Variants in CREBBP observed in about 807,000 individuals in gnomAD.
The protein encoded by CREBBP is CREB-binding protein.
Under a neutral mutation model 265.0 loss-of-function variants are expected in CREBBP, and 19 were observed. The ratio of observed to expected loss-of-function variants is 0.07; its 90% confidence interval spans 0.05 to 0.11. The LOEUF is 0.11. Ranked by LOEUF, CREBBP falls within the 10% of genes least tolerant of loss-of-function variation. CREBBP has a pLI of 1.00. For synonymous variants in CREBBP, 1,457 were observed against 1,223.7 expected, an observed-to-expected ratio of 1.19 and a Z score of -3.98; for missense variants, 2,525 against 3,219.0, an observed-to-expected ratio of 0.78 and a Z score of 5.22.
intron 3 of CREBBP, among the ~76,000 whole-genome samples, chr16:3,797,153 A>T (rs886631302): frequency 6.6e-6 from 1 of 152,184 alleles, no homozygotes; most frequent in African/African-American, 2.4e-5. Flanking sequence ...GAGGGAGAGT[A>T]CTTCGGAACC....
At position 3,853,192 on chromosome 16, in the gene CREBBP, A is replaced by C. The variant is rs2054889379; in HGVS notation, c.86-2183T>G. On this transcript the variant is annotated intron_variant, in intron 1 of 30. Coordinates refer to ENST00000262367, the MANE Select transcript of CREBBP (RefSeq NM_004380.3). ...CCTCATAACGCTGTTGTGAGGACCA[A>C]ATGAATAAGTAAGTGTAAAACACGA... Among the ~76,000 whole-genome samples, 4 of 152,156 alleles carry C rather than the reference A, an allele frequency of 2.6e-5. No individual in the cohort carries two copies. The South Asian group carries it at 8.3e-4, about 32-fold the overall frequency.
chr16:3,861,562 C>T (rs1342836177), intron 1 of CREBBP, among the ~76,000 whole-genome samples: 1 of 148,296 alleles, frequency 6.7e-6, no homozygotes, highest in East Asian at 2.0e-4. Context: ...CCCTGCTGAT[C>T]TGTGGCAATT....
chr16:3,848,271 G>A (rs1465597985), intron 2 of CREBBP, among the ~76,000 whole-genome samples: 1 of 152,142 alleles, frequency 6.6e-6, no homozygotes, highest in Non-Finnish European at 1.5e-5. Flanking sequence ...GTTAACATGT[G>A]ATAATGGCTT....
At chr16:3,740,573 TGA>T in intron 23 of CREBBP, 24 bp from the exon 24 acceptor site, 1 of 1,614,042 alleles carries the variant, frequency 6.2e-7, no homozygotes, top group South Asian at 1.1e-5. Flanking sequence ...AAGGAGCAGG[TGA>T]GAGGGCTTCA....
intron 2 of CREBBP, among the ~76,000 whole-genome samples, chr16:3,832,958 C>A (rs546429626): frequency 6.6e-6 from 1 of 151,968 alleles, no homozygotes; most frequent in Admixed American, 6.6e-5. Context: ...ATTCAGTAAT[C>A]GCTTATGATC....
chr16:3,836,989 T>G (rs1025880163), intron 2 of CREBBP, among the ~76,000 whole-genome samples: 1 of 152,244 alleles, frequency 6.6e-6, no homozygotes, highest in African/African-American at 2.4e-5. Context: ...TAGTACATAA[T>G]AGCCGATAAT....
At chr16:3,793,255 T>C in intron 4 of CREBBP, 131 bp downstream of exon 4, 1 of 1,247,496 alleles carries the variant, frequency 8.0e-7, no homozygotes, top group Non-Finnish European at 1.2e-6. Flanking sequence ...GAGCGCAACA[T>C]GTCTTGCCAC....
At chr16:3,849,442 T>TGTGTGTGTGTGTGTGTGTGTGTGTGTG (rs2054764750) in intron 2 of CREBBP, among the ~76,000 whole-genome samples, 1 of 18,670 alleles carries the variant, frequency 5.4e-5, no homozygotes, top group African/African-American at 8.8e-5. Flanking sequence ...TGTGTGTGTG[T>TGTGTGTGTGTGTGTGTGTGTGTGTGTG]GTGTGTGTGT....
chr16:3,790,366 C>CTTTTTT (rs57582399), intron 5 of CREBBP, among the ~76,000 whole-genome samples: 19 of 66,586 alleles, frequency 2.9e-4, no homozygotes, highest in South Asian at 6.1e-4. Context: ...AGGAAACTGG[C>CTTTTTT]TTTTTTTTTT....
chr16:3,861,700 A>C (rs1476888017), intron 1 of CREBBP, among the ~76,000 whole-genome samples: 1 of 149,856 alleles, frequency 6.7e-6, no homozygotes, highest in Non-Finnish European at 1.5e-5. Context: ...ATTAATATTT[A>C]TGCCATCGTA....
At chr16:3,734,807 C>T (rs944247786) in intron 28 of CREBBP, among the ~76,000 whole-genome samples, 3 of 152,156 alleles carry the variant, frequency 2.0e-5, no homozygotes, top group African/African-American at 7.2e-5. Context: ...GCGGCCCAGG[C>T]CCCACGCTCC....
At chr16:3,859,102 T>C (rs1468949495) in intron 1 of CREBBP, among the ~76,000 whole-genome samples, 3 of 152,218 alleles carry the variant, frequency 2.0e-5, no homozygotes, top group South Asian at 2.1e-4. Context: ...TGCATTACTT[T>C]TGTAATACTG....
At chr16:3,780,585 G>A (rs190724573) in intron 8 of CREBBP, 147 bp downstream of exon 8, 2 of 807,044 alleles carry the variant, frequency 2.5e-6, no homozygotes, top group Admixed American at 2.2e-5. Flanking sequence ...GGCCTGCCTA[G>A]GGCTGCCAGA....
In CREBBP at chr16:3,731,091, C is replaced by G. The variant is rs962463583; in HGVS notation, c.5172+101G>C. 1.6e-6 allele frequency: 2 copies of G among 1,244,088 alleles called. No homozygotes were observed. Among genetic ancestry groups the G allele is most frequent in the African/African-American group, 2.9e-5 (2 of 68,092 alleles). The allele number at this position is 1,244,088 out of a possible 1,614,324, so 77.1% of individuals were successfully genotyped here. On this transcript the variant is annotated intron_variant, in intron 30 of 30. Transcript: ENST00000262367. This position sits in a 1 kb window ranked among gnomAD's most constrained non-coding sequence, Gnocchi z 7.7. The stretch of plus-strand genomic sequence containing the variant: ...AGTTCTGGAGGAGTCAGTGCAGCCA[C>G]CATCAGGTACAGACACCAACCCGGG...
At position 3,727,526 on chromosome 16, in the gene CREBBP, A is replaced by T; in HGVS notation, c.*192T>A. ...CCCGCCAAAAAAAAACCAAAGAGAG[A>T]GACCAGATATTTAAATCAACTGGTT... is the stretch of plus-strand genomic sequence containing the variant. On this transcript the variant is annotated 3_prime_UTR_variant, in exon 31 of 31. Transcript: ENST00000262367. 2 of 261,694 alleles carry T rather than the reference A, an allele frequency of 7.6e-6. No individual in the cohort carries two copies. The highest frequency in any genetic ancestry group is 1.2e-5 in the Non-Finnish European group (2 of 164,642). 16.2% of individuals were successfully genotyped at this position (261,694 alleles called of 1,614,324 possible).
chr16:3,798,553 T>C (rs2053651756), intron 3 of CREBBP, among the ~76,000 whole-genome samples: 1 of 152,242 alleles, frequency 6.6e-6, no homozygotes, highest in African/African-American at 2.4e-5. Context: ...GATACACGAA[T>C]GGCCAATAAG....
chr16:3,831,797 C>CA (rs2054348307), intron 2 of CREBBP, among the ~76,000 whole-genome samples: 1 of 151,894 alleles, frequency 6.6e-6, no homozygotes. Context: ...AGGAGTTCGA[C>CA]ACCAGCCTGG....
rs114668693 is a variant in CREBBP, at chr16:3,744,885, G to A, written c.3982+9C>T. The A allele has an allele frequency of 5.7e-5, 92 of 1,610,358 alleles. No individual in the cohort carries two copies. The African/African-American group carries it at 1.0e-3, about 18-fold the overall frequency. Reference sequence around the variant, plus strand: ...CAGTCCAGGAAACAGAAAGCTTCCCGAAACTTACTCTTAGCACTGAATTTG... The same window carrying A: ...CAGTCCAGGAAACAGAAAGCTTCCCAAAACTTACTCTTAGCACTGAATTTG... On this transcript the variant is annotated intron_variant, in intron 23 of 30. Coordinates refer to ENST00000262367, the MANE Select transcript of CREBBP (RefSeq NM_004380.3).
intron 21 of CREBBP, among the ~76,000 whole-genome samples, chr16:3,748,750 C>G (rs545613227): frequency 9.5e-4 from 145 of 152,240 alleles, no homozygotes; most frequent in African/African-American, 3.3e-3. Flanking sequence ...ACATTGGGGA[C>G]CTGGGAAGAG....
Sources: gnomAD v4.1 joint callset for allele counts (sites outside exome capture counted in the v4.1 genomes callset) on GRCh38, gnomAD v4.1.1 for gene constraint, Gnocchi (gnomAD v3.1) non-coding constraint, MANE v1.5 for transcripts, NCBI Gene and HGNC (gene_info 2026-07-23, HGNC 2026-07-21) for gene names.